The following STX8 variants were observed in gnomAD, a reference collection of about 807,000 sequenced individuals.
STX8 encodes the protein syntaxin-8.
A neutral mutation model predicts 37.5 loss-of-function variants in STX8; 23 were observed. That is an observed-to-expected ratio of 0.61 (90% CI 0.44 to 0.87). The LOEUF is 0.87. Ranked by LOEUF, STX8 falls within the 40% of genes least tolerant of loss-of-function variation. The pLI is 0.00. For missense variants in STX8, 313 were observed against 284.7 expected, an observed-to-expected ratio of 1.10 and a Z score of -0.71; for synonymous variants, 115 against 99.1, an observed-to-expected ratio of 1.16 and a Z score of -0.95.
chr17:9,267,996 G>GAA (rs34300236), intron 7 of STX8, among the ~76,000 whole-genome samples: 1 of 121,286 alleles, frequency 8.2e-6, no homozygotes, highest in Non-Finnish European at 1.7e-5. Flanking sequence ...TGCCTAAAAA[G>GAA]AAAAAAAAAA....
chr17:9,423,335 G>A (rs1913512062), intron 6 of STX8, among the ~76,000 whole-genome samples: 1 of 152,074 alleles, frequency 6.6e-6, no homozygotes. Context: ...TGTTGTCGTT[G>A]TTTTTTGAGA....
At chr17:9,384,850 A>T (rs2142293516) in intron 6 of STX8, among the ~76,000 whole-genome samples, 1 of 151,022 alleles carries the variant, frequency 6.6e-6, no homozygotes, top group East Asian at 2.0e-4. Context: ...TCAATTCTCA[A>T]CAAAGGAAAG....
chr17:9,512,046 A>G (rs1363982200), intron 4 of STX8, among the ~76,000 whole-genome samples: 1 of 152,046 alleles, frequency 6.6e-6, no homozygotes, highest in Non-Finnish European at 1.5e-5. Context: ...GAGGTGAAAG[A>G]TCTCTAAAAG....
chr17:9,431,344 C>T lies in STX8; in HGVS notation c.542-52691G>A, dbSNP rs967145930. On this transcript the variant is annotated intron_variant, in intron 6 of 7. Transcript: ENST00000306357. ...TCGGCCTCCCAAAGTGCTGGGATTACAGGTGTGAGCCACTGCGCCTGGCCT... is the reference window on the plus strand; with the variant it reads ...TCGGCCTCCCAAAGTGCTGGGATTATAGGTGTGAGCCACTGCGCCTGGCCT... Among the ~76,000 whole-genome samples, 3 of 151,302 alleles carry T rather than the reference C, an allele frequency of 2.0e-5. No individual in the cohort carries two copies. In the South Asian group the frequency reaches 6.3e-4, roughly 32 times the overall value.
At chr17:9,429,483 C>T (rs1308549708) in intron 6 of STX8, among the ~76,000 whole-genome samples, 1 of 144,224 alleles carries the variant, frequency 6.9e-6, no homozygotes, top group Non-Finnish European at 1.5e-5. Context: ...GCAGGCGGAT[C>T]ATGAGGTCAG....
chr17:9,297,676 T>C (rs1325843222), intron 7 of STX8, among the ~76,000 whole-genome samples: 3 of 152,092 alleles, frequency 2.0e-5, no homozygotes, highest in African/African-American at 2.4e-5. Context: ...AAAACCACCC[T>C]GGGCAACACG....
intron 7 of STX8, among the ~76,000 whole-genome samples, chr17:9,271,229 G>A (rs897400548): frequency 6.6e-5 from 10 of 152,196 alleles, no homozygotes; most frequent in African/African-American, 2.2e-4. Context: ...CGAAGCGGGC[G>A]GATCACTTGA....
intron 6 of STX8, among the ~76,000 whole-genome samples, chr17:9,415,042 C>T (rs180962324): frequency 2.5e-4 from 38 of 152,098 alleles, no homozygotes; most frequent in Admixed American, 1.5e-3. Flanking sequence ...CCACCCGCCT[C>T]GGCCTCCCAA....
At position 9,494,539 on chromosome 17, in the gene STX8, A is replaced by C. The variant is rs563404268; in HGVS notation, c.449-2618T>G. Among the ~76,000 whole-genome samples the C allele has an allele frequency of 9.5e-5, 13 of 136,350 alleles. No homozygotes were observed. The South Asian group carries it at 3.2e-3, about 33-fold the overall frequency. 89.5% of individuals were successfully genotyped at this position (136,350 alleles called of 152,430 possible). On this transcript the variant is annotated intron_variant, in intron 5 of 7. Transcript: ENST00000306357. Reference sequence around the variant, plus strand: ...TCGGAGGTGGATGGATCACTTGAGCATGGGAGGCAGAGGTCACAGTGAGCC... The same window carrying C: ...TCGGAGGTGGATGGATCACTTGAGCCTGGGAGGCAGAGGTCACAGTGAGCC...
intron 4 of STX8, among the ~76,000 whole-genome samples, chr17:9,512,153 A>G (rs1381729520): frequency 6.6e-6 from 1 of 152,200 alleles, no homozygotes; most frequent in East Asian, 1.9e-4. Context: ...TATTGTTAAA[A>G]TGACTATACT....
At chr17:9,465,725 G>A (rs1462616972) in intron 6 of STX8, among the ~76,000 whole-genome samples, 1 of 152,144 alleles carries the variant, frequency 6.6e-6, no homozygotes, top group Non-Finnish European at 1.5e-5. Flanking sequence ...GACAACAATA[G>A]CTGCCTTTAG....
At chr17:9,310,948 G>A (rs1909169506) in intron 7 of STX8, among the ~76,000 whole-genome samples, 2 of 152,052 alleles carry the variant, frequency 1.3e-5, no homozygotes, top group African/African-American at 4.8e-5. Context: ...TTTTGAAAGA[G>A]GAGGAGTCGG....
At chr17:9,545,434 C>A (rs1906466054) in intron 3 of STX8, 152 bp from the exon 4 acceptor site, 2 of 597,958 alleles carry the variant, frequency 3.3e-6, no homozygotes, top group Admixed American at 6.2e-5. Flanking sequence ...GTTTTTCCTG[C>A]TCTGACCTTC....
intron 7 of STX8, among the ~76,000 whole-genome samples, chr17:9,265,194 T>A (rs905740834): frequency 6.6e-6 from 1 of 151,616 alleles, no homozygotes; most frequent in Admixed American, 6.6e-5. Flanking sequence ...TCACATATCC[T>A]ATTATTTTAC....
At chr17:9,494,389 G>A (rs1907000714) in intron 5 of STX8, among the ~76,000 whole-genome samples, 1 of 151,336 alleles carries the variant, frequency 6.6e-6, no homozygotes, top group Admixed American at 6.6e-5. Context: ...AGCACTTTAG[G>A]GGGCTGAAGC....
intron 7 of STX8, among the ~76,000 whole-genome samples, chr17:9,291,258 A>C (rs1908302057): frequency 6.6e-6 from 1 of 152,080 alleles, no homozygotes; most frequent in South Asian, 2.1e-4. Flanking sequence ...TAACCTGGGC[A>C]ACATGGTGAA....
chr17:9,488,792 A>AAGAG (rs1379249464), intron 6 of STX8, among the ~76,000 whole-genome samples: 2 of 140,626 alleles, frequency 1.4e-5, no homozygotes, highest in Non-Finnish European at 3.1e-5. Context: ...GTAAGACATT[A>AAGAG]AGAGAGAAAG....
At chr17:9,321,804 C>T (rs548443620) in intron 7 of STX8, among the ~76,000 whole-genome samples, 10 of 152,186 alleles carry the variant, frequency 6.6e-5, no homozygotes, top group South Asian at 2.1e-4. Context: ...AGGCATGAGC[C>T]GCCATGCCCA....
intron 4 of STX8, among the ~76,000 whole-genome samples, chr17:9,540,454 G>C (rs549812653): frequency 2.0e-5 from 3 of 152,296 alleles, no homozygotes; most frequent in East Asian, 3.9e-4. Flanking sequence ...TCCCGTTACG[G>C]TGTTGGGTCT....
Sources: gnomAD v4.1 joint callset for allele counts (sites outside exome capture counted in the v4.1 genomes callset) on GRCh38, gnomAD v4.1.1 for gene constraint, MANE v1.5 for transcripts, NCBI Gene and HGNC (gene_info 2026-07-23, HGNC 2026-07-21) for gene names.